IKZF2: variants seen among roughly 807,000 people sequenced by gnomAD.
IKZF2 encodes IKAROS family zinc finger 2.
Under a neutral mutation model 49.2 loss-of-function variants are expected in IKZF2, and 15 were observed. The ratio of observed to expected loss-of-function variants is 0.30; its 90% CI spans 0.20 to 0.47. The LOEUF is 0.47. IKZF2 is among the 20% of genes least tolerant of loss of function. The pLI is 1.00. For synonymous variants in IKZF2, 227 were observed against 221.4 expected (o/e 1.03, Z -0.23); for missense variants, 567 against 664.6 (o/e 0.85, Z 1.61).
At chr2:213,149,988 C>A (rs2061225352) in intron 2 of IKZF2, among the ~76,000 whole-genome samples, 156 bp downstream of exon 2, 1 of 151,846 alleles carries the variant, frequency 6.6e-6, no homozygotes, top group Admixed American at 6.6e-5. Flanking sequence ...GAGCTTATCT[C>A]TTTAAAAATG....
chr2:213,104,972 A>G (rs1202121888), intron 4 of IKZF2, among the ~76,000 whole-genome samples: 2 of 152,066 alleles, frequency 1.3e-5, no homozygotes, highest in Admixed American at 6.6e-5. Context: ...CCTTTCACAC[A>G]CCAGGGACCT....
chr2:213,122,315 A>G (rs761345310), intron 4 of IKZF2, among the ~76,000 whole-genome samples: 8 of 152,026 alleles, frequency 5.3e-5, no homozygotes, highest in Non-Finnish European at 1.2e-4. Flanking sequence ...AGCAACCACT[A>G]TTTTCTTTCC....
intron 4 of IKZF2, among the ~76,000 whole-genome samples, chr2:213,128,804 C>CTTTTTTTTTTTTTTTTTTT (rs1184422126): frequency 4.4e-5 from 5 of 113,182 alleles, no homozygotes; most frequent in East Asian, 2.6e-4. Flanking sequence ...ATTTTTTTTT[C>CTTTTTTTTTTTTTTTTTTT]TTTTTTTTTT....
chr2:213,116,222 A>T (rs998500421), intron 4 of IKZF2, among the ~76,000 whole-genome samples: 3 of 152,242 alleles, frequency 2.0e-5, no homozygotes, highest in Admixed American at 6.5e-5. Context: ...TAATAATTAT[A>T]ATGTATGTAT....
chr2:213,141,343 T>C (rs911196498), intron 4 of IKZF2, among the ~76,000 whole-genome samples: 4 of 151,936 alleles, frequency 2.6e-5, no homozygotes, highest in Admixed American at 2.6e-4. Flanking sequence ...AATCGATCCA[T>C]GTCAGTCAAA....
At chr2:213,076,197 C>T (rs1349433336) in intron 4 of IKZF2, among the ~76,000 whole-genome samples, 1 of 151,908 alleles carries the variant, frequency 6.6e-6, no homozygotes, top group Non-Finnish European at 1.5e-5. Flanking sequence ...TAATGCTTTT[C>T]CTAGGGATAA....
At chr2:213,091,887 TGTGTGTGTGTGTGC>T (rs1347120808) in intron 4 of IKZF2, among the ~76,000 whole-genome samples, 2 of 151,008 alleles carry the variant, frequency 1.3e-5, no homozygotes, top group Non-Finnish European at 3.0e-5. Flanking sequence ...GTATAAGCTG[TGTGTGTGTGTGTGC>T]GTGTGTGTGT....
At chr2:213,065,258 C>A (rs981326978) in intron 4 of IKZF2, among the ~76,000 whole-genome samples, 1 of 151,956 alleles carries the variant, frequency 6.6e-6, no homozygotes, top group Non-Finnish European at 1.5e-5. Flanking sequence ...GCAAAAAGTT[C>A]TTCTCCTATG....
chr2:213,135,562 G>A (rs1372876997), intron 4 of IKZF2, among the ~76,000 whole-genome samples: 3 of 152,088 alleles, frequency 2.0e-5, no homozygotes, highest in Admixed American at 6.5e-5. Context: ...GCTGGGCATG[G>A]TGGCATGCAC....
chr2:213,031,483 G>A (rs1698431627), intron 6 of IKZF2, among the ~76,000 whole-genome samples: 1 of 152,120 alleles, frequency 6.6e-6, no homozygotes, highest in Non-Finnish European at 1.5e-5. Flanking sequence ...ATTGTTTTGG[G>A]CACTCTGGAA....
chr2:213,069,150 T>C (rs190967158), intron 4 of IKZF2, among the ~76,000 whole-genome samples: 7 of 152,034 alleles, frequency 4.6e-5, no homozygotes, highest in African/African-American at 1.7e-4. Context: ...AAGAGGCAAA[T>C]TGCAGGTTTC....
At chr2:213,021,231 T>A (rs1386109532) in intron 7 of IKZF2, among the ~76,000 whole-genome samples, 1 of 151,386 alleles carries the variant, frequency 6.6e-6, no homozygotes, top group Non-Finnish European at 1.5e-5. Flanking sequence ...TAAAATAAAA[T>A]AAAAAATAAT....
At chr2:213,100,387 A>G (rs1192345039) in intron 4 of IKZF2, among the ~76,000 whole-genome samples, 1 of 152,050 alleles carries the variant, frequency 6.6e-6, no homozygotes, top group Non-Finnish European at 1.5e-5. Flanking sequence ...GATATTGACT[A>G]TTTTATAATA....
chr2:213,113,730 C>T (rs992943463), intron 4 of IKZF2, among the ~76,000 whole-genome samples: 1 of 152,066 alleles, frequency 6.6e-6, no homozygotes, highest in African/African-American at 2.4e-5. Flanking sequence ...TTGGCACATA[C>T]GTTTTTTCTA....
intron 4 of IKZF2, among the ~76,000 whole-genome samples, chr2:213,064,443 G>C (rs952376759): frequency 6.6e-6 from 1 of 151,918 alleles, no homozygotes; most frequent in Non-Finnish European, 1.5e-5. Flanking sequence ...AACGAATGGA[G>C]GGCAAAATAT....
intron 4 of IKZF2, among the ~76,000 whole-genome samples, chr2:213,068,654 A>G (rs1702380078): frequency 6.6e-6 from 1 of 152,132 alleles, no homozygotes. Flanking sequence ...TAGATCACAT[A>G]TTTGAAACGT....
At chr2:213,065,349 G>T (rs1254149363) in intron 4 of IKZF2, among the ~76,000 whole-genome samples, 1 of 151,994 alleles carries the variant, frequency 6.6e-6, no homozygotes, top group Non-Finnish European at 1.5e-5. Context: ...TAAGGTCCTT[G>T]AGAGGAAATA....
chr2:213,029,776 T>C (rs1048346057), intron 6 of IKZF2, among the ~76,000 whole-genome samples: 1 of 152,098 alleles, frequency 6.6e-6, no homozygotes, highest in Non-Finnish European at 1.5e-5. Context: ...TGTTTGGACC[T>C]TACTACTTAA....
At chr2:213,135,837 T>A (rs1427320826) in intron 4 of IKZF2, among the ~76,000 whole-genome samples, 1 of 151,064 alleles carries the variant, frequency 6.6e-6, no homozygotes, top group African/African-American at 2.4e-5. Context: ...GCTCACAAGC[T>A]CAGGAGTACG....
Sources: gnomAD v4.1 joint callset for allele counts (sites outside exome capture counted in the v4.1 genomes callset) on GRCh38, gnomAD v4.1.1 for gene constraint, MANE v1.5 for transcripts, NCBI Gene and HGNC (gene_info 2026-07-23, HGNC 2026-07-21) for gene names.